DAB1: variants seen among roughly 807,000 people sequenced by gnomAD.
DAB1 encodes the protein disabled homolog 1.
A neutral mutation model predicts 64.6 loss-of-function variants in DAB1; 15 were observed. The ratio of observed to expected loss-of-function variants is 0.23; its 90% CI spans 0.16 to 0.36. The LOEUF (loss-of-function observed/expected upper bound fraction) is 0.36, where lower values mean the gene tolerates loss of function less well. Among genes scored for constraint, DAB1 ranks in the 10% least tolerant of loss-of-function variants. The pLI is 1.00. For synonymous variants in DAB1, 235 were observed against 251.9 expected (o/e 0.93, Z 0.64); for missense variants, 596 against 706.7 (o/e 0.84, Z 1.78).
At chr1:57,158,946 C>T (rs1328023743) in intron 2 of DAB1, among the ~76,000 whole-genome samples, 3 of 152,182 alleles carry the variant, frequency 2.0e-5, no homozygotes, top group Non-Finnish European at 4.4e-5. Flanking sequence ...TTTCACGTTT[C>T]TGTAGAAAGT....
intron 4 of DAB1, among the ~76,000 whole-genome samples, chr1:58,256,387 GC>G (rs938844495): frequency 1.3e-5 from 2 of 152,190 alleles, no homozygotes; most frequent in Non-Finnish European, 2.9e-5. Flanking sequence ...CCAAGGGCCA[GC>G]AGCCAGCCAG....
At chr1:57,252,097 T>C (rs1190377898) in intron 2 of DAB1, among the ~76,000 whole-genome samples, 1 of 152,270 alleles carries the variant, frequency 6.6e-6, no homozygotes, top group East Asian at 1.9e-4. Flanking sequence ...AAGAGTTTTC[T>C]ATAACTTAAA....
At chr1:58,143,726 T>C (rs1450376005) in intron 5 of DAB1, among the ~76,000 whole-genome samples, 3 of 152,228 alleles carry the variant, frequency 2.0e-5, no homozygotes, top group Non-Finnish European at 4.4e-5. Context: ...TTCTAAGCTG[T>C]TATTATTTTC....
intron 12 of DAB1, among the ~76,000 whole-genome samples, chr1:57,011,921 T>C (rs1646279245): frequency 6.6e-6 from 1 of 152,180 alleles, no homozygotes; most frequent in Non-Finnish European, 1.5e-5. Flanking sequence ...AAAGAGAAAG[T>C]GTCTCAGTGA....
intron 1 of DAB1, among the ~76,000 whole-genome samples, chr1:57,386,387 A>T (rs1223224571): frequency 1.0e-5 from 1 of 99,420 alleles, no homozygotes; most frequent in Admixed American, 9.5e-5. Context: ...AAAAAAAAAA[A>T]CCCGTCTTTT....
intron 1 of DAB1, among the ~76,000 whole-genome samples, chr1:57,841,881 C>A (rs943523054): frequency 6.6e-6 from 1 of 152,180 alleles, no homozygotes; most frequent in East Asian, 1.9e-4. Context: ...ACATTTGGCT[C>A]CTTGTTACTT....
At chr1:57,085,731 C>T (rs554542308) in intron 4 of DAB1, among the ~76,000 whole-genome samples, 2 of 152,158 alleles carry the variant, frequency 1.3e-5, no homozygotes, top group African/African-American at 4.8e-5. Flanking sequence ...CTCCCATGTT[C>T]GTTTTTGGCT....
At chr1:57,071,722 C>G in intron 5 of DAB1, 81 bp from the exon 6 acceptor site, 1 of 1,323,682 alleles carries the variant, frequency 7.6e-7, no homozygotes, top group Non-Finnish European at 1.0e-6. Flanking sequence ...GCGGCGACAA[C>G]CCGCAGCCCT....
At position 58,081,537 on chromosome 1, in the gene DAB1, A is replaced by G. The variant is rs72906540; in HGVS notation, n.387+68974T>C. ...GCCTGCACTTAAATGCTCAGCTTGAAGTTGACAATTATTTCACAACTTCTT... is the reference window on the plus strand; with the variant it reads ...GCCTGCACTTAAATGCTCAGCTTGAGGTTGACAATTATTTCACAACTTCTT... On this transcript the variant is annotated intron_variant and non_coding_transcript_variant, in intron 5 of 20. Transcript: ENST00000485760. Among the ~76,000 whole-genome samples the G allele has an allele frequency of 9.7e-3, 1,471 of 152,338 alleles. 21 individuals are homozygous for G. The highest frequency in any genetic ancestry group is 0.033 in the African/African-American group (1,379 of 41,578).
Position 56,997,302 on chromosome 1 carries a change from TG to T in DAB1, c.*841del, listed in dbSNP as rs1385924229. The stretch of plus-strand genomic sequence containing the variant: ...ATGCATTTTTCATCTTTCTCATCAA[TG>T]GGATCTGATGTCTTTTCCTACTCAC... On this transcript the variant is annotated 3_prime_UTR_variant, in exon 15 of 15. Transcript: ENST00000371236. 6 of 152,226 alleles carry T rather than the reference TG, an allele frequency of 3.9e-5. No homozygotes were observed. The highest frequency in any genetic ancestry group is 2.6e-4 in the Admixed American group (4 of 15,290). 9.4% of individuals were successfully genotyped at this position (152,226 alleles called of 1,614,324 possible).
chr1:57,547,858 T>C (rs994155558), intron 7 of DAB1, among the ~76,000 whole-genome samples: 1 of 152,172 alleles, frequency 6.6e-6, no homozygotes, highest in Non-Finnish European at 1.5e-5. Flanking sequence ...CTTTATGATG[T>C]TTCTGTGAAT....
chr1:58,371,042 A>G (rs1644260368), intron 3 of DAB1, among the ~76,000 whole-genome samples: 1 of 152,342 alleles, frequency 6.6e-6, no homozygotes, highest in East Asian at 1.9e-4. Flanking sequence ...GCTACTTTAG[A>G]ACTGGGTAAC....
At chr1:57,664,639 T>C (rs770038080) in intron 6 of DAB1, among the ~76,000 whole-genome samples, 14 of 152,132 alleles carry the variant, frequency 9.2e-5, no homozygotes, top group Non-Finnish European at 1.5e-4. Flanking sequence ...TAATTATGGA[T>C]GTGTCCAAAG....
At chr1:57,810,590 T>G (rs1651573734) in intron 6 of DAB1, among the ~76,000 whole-genome samples, 1 of 152,168 alleles carries the variant, frequency 6.6e-6, no homozygotes, top group African/African-American at 2.4e-5. Flanking sequence ...TGGCCTTACC[T>G]CTTTCATTTG....
intron 5 of DAB1, among the ~76,000 whole-genome samples, chr1:58,147,133 C>T (rs1570415268): frequency 6.6e-6 from 1 of 151,690 alleles, no homozygotes; most frequent in Non-Finnish European, 1.5e-5. Context: ...ATGGTGAAAC[C>T]CCGTCTCTAC....
intron 1 of DAB1, among the ~76,000 whole-genome samples, chr1:57,302,088 G>A (rs1259269038): frequency 6.6e-6 from 1 of 152,108 alleles, no homozygotes; most frequent in East Asian, 1.9e-4. Context: ...CTCAATTACT[G>A]TAAAATGGAT....
At chr1:58,159,600 C>T (rs1655411773) in intron 4 of DAB1, among the ~76,000 whole-genome samples, 1 of 152,218 alleles carries the variant, frequency 6.6e-6, no homozygotes, top group African/African-American at 2.4e-5. Context: ...GTAACAGAGC[C>T]TATGGATCAT....
intron 7 of DAB1, among the ~76,000 whole-genome samples, chr1:57,478,507 A>G (rs1346728694): frequency 6.6e-6 from 1 of 152,078 alleles, no homozygotes; most frequent in African/African-American, 2.4e-5. Flanking sequence ...TACTATATGC[A>G]AGTGACTTTA....
At chr1:58,466,142 A>AGGAGC (rs1645293799) in intron 3 of DAB1, among the ~76,000 whole-genome samples, 1 of 152,168 alleles carries the variant, frequency 6.6e-6, no homozygotes, top group African/African-American at 2.4e-5. Flanking sequence ...CAGCCAATGG[A>AGGAGC]GGAGCGGGGC....
Sources: allele counts gnomAD v4.1 joint callset (sites outside exome capture counted in the v4.1 genomes callset), GRCh38; gene constraint gnomAD v4.1.1; transcripts MANE v1.5; gene names NCBI Gene and HGNC (gene_info 2026-07-23, HGNC 2026-07-21).